The following CPEB2 variants were observed in gnomAD, a reference collection of about 807,000 sequenced individuals.
The protein encoded by CPEB2 is cytoplasmic polyadenylation element-binding protein 2.
Under a neutral mutation model 93.6 loss-of-function variants are expected in CPEB2, and 56 were observed. That is an observed-to-expected ratio of 0.60 (90% CI 0.48 to 0.75). CPEB2 has a LOEUF of 0.75. Among genes scored for constraint, CPEB2 ranks in the 30% least tolerant of loss-of-function variants. The pLI is 0.00. For missense variants in CPEB2, 1,579 were observed against 1,395.1 expected, an observed-to-expected ratio of 1.13 and a Z score of -2.10; for synonymous variants, 764 against 586.3, an observed-to-expected ratio of 1.30 and a Z score of -4.38.
intron 5 of CPEB2, among the ~76,000 whole-genome samples, chr4:15,038,924 T>C (rs951161356): frequency 1.3e-5 from 2 of 152,116 alleles, no homozygotes; most frequent in African/African-American, 4.8e-5. Flanking sequence ...TTAAAATTTA[T>C]TGCATCAGTC....
intron 3 of CPEB2, among the ~76,000 whole-genome samples, chr4:15,014,467 G>A (rs535992757): frequency 3.9e-5 from 6 of 152,016 alleles, no homozygotes; most frequent in African/African-American, 1.2e-4. Context: ...ATACATCTGG[G>A]AACTTTCAGT....
chr4:15,021,971 CT>C (rs1460798466), intron 4 of CPEB2, among the ~76,000 whole-genome samples: 1 of 152,134 alleles, frequency 6.6e-6, no homozygotes, highest in African/African-American at 2.4e-5. Flanking sequence ...CCACTTTTCC[CT>C]CTCTTTCTCT....
chr4:15,045,364 A>G (rs1727560401), intron 6 of CPEB2, among the ~76,000 whole-genome samples: 1 of 152,150 alleles, frequency 6.6e-6, no homozygotes, highest in African/African-American at 2.4e-5. Flanking sequence ...ATCTGTCATA[A>G]ATACCTGTAC....
Position 15,042,452 on chromosome 4 carries a change from T to C in CPEB2, c.2200+1965T>C, listed in dbSNP as rs9884722. Among the ~76,000 whole-genome samples the C allele has an allele frequency of 6.6e-3, 1,007 of 152,334 alleles. 7 individuals are homozygous for C. The highest frequency in any genetic ancestry group is 0.023 in the African/African-American group (961 of 41,572). On this transcript the variant is annotated intron_variant, in intron 6 of 11. Transcript: ENST00000538197. ...CGGCTTCAGAACTGCCTTCCTGCAT[T>C]GGAAGAAGGAAGACTCTCACATGGT...
At chr4:15,019,112 T>C (rs1724531328) in intron 4 of CPEB2, among the ~76,000 whole-genome samples, 1 of 151,326 alleles carries the variant, frequency 6.6e-6, no homozygotes, top group African/African-American at 2.4e-5. Flanking sequence ...ATCATTATGG[T>C]GACAAGTCTT....
chr4:15,031,560 A>C (rs1726098400), intron 4 of CPEB2, among the ~76,000 whole-genome samples: 1 of 152,170 alleles, frequency 6.6e-6, no homozygotes, highest in Admixed American at 6.5e-5. Context: ...TGACAACTTT[A>C]TTTAAGAGGT....
rs907809242 is a variant in CPEB2, at chr4:15,002,702, A to G, written c.29A>G (p.Gln10Arg). The change falls in exon 1 of 12, where the codon CAG (glutamine) becomes CGG (arginine). Residue 10 changes from glutamine (Q) to arginine (R), a missense_variant. By Grantham distance (43) the Gln-to-Arg change is conservative. Around this residue, in one of 2 missense-constraint regions of CPEB2, gnomAD observed 1,411 missense variants for 1,056.0 expected, o/e 1.34. Transcript: ENST00000538197. ...AGGGATTTCGGGTTTGGGGTGCTGC[A>G]GACCGCCCCGCTCCGAAGTAGCAGT... Reference protein sequence around the residue: MRDFGFGVLQTAPLRSSSPG... With the variant: MRDFGFGVLRTAPLRSSSPG... The G allele has an allele frequency of 3.7e-5, 57 of 1,521,636 alleles. No homozygotes were observed. In the Admixed American group the frequency reaches 7.9e-4, roughly 21 times the overall value. The allele number at this position is 1,521,636 out of a possible 1,614,324, so 94.3% of individuals were successfully genotyped here.
intron 5 of CPEB2, among the ~76,000 whole-genome samples, chr4:15,037,118 C>A (rs554860613): frequency 1.3e-5 from 2 of 151,902 alleles, no homozygotes; most frequent in Non-Finnish European, 1.5e-5. Flanking sequence ...CTGGCTAACA[C>A]GGTGAAACCC....
At chr4:15,020,697 C>G (rs1724710018) in intron 4 of CPEB2, among the ~76,000 whole-genome samples, 1 of 152,106 alleles carries the variant, frequency 6.6e-6, no homozygotes, top group Admixed American at 6.6e-5. Context: ...GCAGAATGTA[C>G]TTTACTCAAT....
chr4:15,025,303 A>G lies in CPEB2; in HGVS notation c.2126-7858A>G, dbSNP rs1198981600. Reference sequence around the variant, plus strand: ...GTTTGATCTTATTTCTCTGGAGGCTATTATAGTGTTTGAAGATTATTTTCC... The same window carrying G: ...GTTTGATCTTATTTCTCTGGAGGCTGTTATAGTGTTTGAAGATTATTTTCC... On this transcript the variant is annotated intron_variant, in intron 4 of 11. Transcript: ENST00000538197. 1.7e-4 allele frequency among the ~76,000 whole-genome samples: 26 copies of G among 152,002 alleles called. 1 individual carries two copies. Among genetic ancestry groups the G allele is most frequent in the Admixed American group, 1.4e-3 (21 of 15,268 alleles).
At position 15,068,416 on chromosome 4, in the gene CPEB2, A is replaced by C. The variant is rs939730983; in HGVS notation, c.*2036A>C. On this transcript the variant is annotated 3_prime_UTR_variant, in exon 12 of 12. Coordinates refer to ENST00000538197, the MANE Select transcript of CPEB2 (RefSeq NM_001177382.2). ...TTTTGGAGTATTCTTTTCTAACCTT[A>C]ACCCTGCCAAACCTTGATCCATTTT... is the stretch of plus-strand genomic sequence containing the variant. 10 of 152,250 alleles carry C rather than the reference A, an allele frequency of 6.6e-5. No individual in the cohort carries two copies. The highest frequency in any genetic ancestry group is 2.4e-4 in the African/African-American group (10 of 41,376). 9.4% of individuals were successfully genotyped at this position (152,250 alleles called of 1,614,324 possible).
intron 1 of CPEB2, among the ~76,000 whole-genome samples, chr4:15,005,608 A>T (rs192133338): frequency 3.0e-4 from 46 of 152,310 alleles, no homozygotes; most frequent in African/African-American, 1.0e-3. Context: ...AGAGACGCAA[A>T]ATATGACCTT....
intron 3 of CPEB2, among the ~76,000 whole-genome samples, chr4:15,013,124 A>G (rs1264438210): frequency 6.6e-6 from 1 of 151,708 alleles, no homozygotes; most frequent in Admixed American, 6.6e-5. Flanking sequence ...AGCCTTTCTA[A>G]GCTTTTATTG....
chr4:15,023,282 G>T (rs767017404), intron 4 of CPEB2, among the ~76,000 whole-genome samples: 42 of 151,830 alleles, frequency 2.8e-4, no homozygotes, highest in Admixed American at 5.9e-4. Flanking sequence ...GAATAATTAG[G>T]CTTATGCATT....
intron 3 of CPEB2, among the ~76,000 whole-genome samples, chr4:15,009,329 A>G (rs1205204108): frequency 1.3e-5 from 2 of 152,240 alleles, no homozygotes; most frequent in African/African-American, 4.8e-5. Context: ...CTAATCTAGA[A>G]GGTTAGCATT....
chr4:15,011,193 C>T (rs1376269636), intron 3 of CPEB2, among the ~76,000 whole-genome samples: 3 of 150,710 alleles, frequency 2.0e-5, no homozygotes, highest in East Asian at 3.9e-4. Flanking sequence ...CTCTGCCTCC[C>T]GGGTTCAAGC....
intron 4 of CPEB2, among the ~76,000 whole-genome samples, chr4:15,025,353 C>T (rs1320822226): frequency 3.3e-5 from 5 of 151,982 alleles, no homozygotes; most frequent in African/African-American, 1.2e-4. Context: ...GTCTGTGCTT[C>T]TTCAAAGTTC....
chr4:15,006,787 C>T (rs1279228603), intron 1 of CPEB2, among the ~76,000 whole-genome samples: 1 of 152,060 alleles, frequency 6.6e-6, no homozygotes, highest in Non-Finnish European at 1.5e-5. Context: ...TTTCAAAAGG[C>T]GATTTTAATT....
At chr4:15,027,112 A>G (rs1300195490) in intron 4 of CPEB2, among the ~76,000 whole-genome samples, 2 of 152,190 alleles carry the variant, frequency 1.3e-5, no homozygotes, top group East Asian at 3.8e-4. Context: ...ATCTTACTAA[A>G]TGATTAATGA....
Sources: allele counts gnomAD v4.1 joint callset (sites outside exome capture counted in the v4.1 genomes callset), GRCh38; gene constraint gnomAD v4.1.1; regional missense constraint gnomAD v4.1.1; transcripts MANE v1.5; gene names NCBI Gene and HGNC (gene_info 2026-07-23, HGNC 2026-07-21).